UNK: variants seen among roughly 807,000 people sequenced by gnomAD.
UNK encodes the protein unk zinc finger.
Under a neutral mutation model 97.6 loss-of-function variants are expected in UNK, and 32 were observed. The ratio of observed to expected loss-of-function variants is 0.33; its 90% CI spans 0.25 to 0.44. UNK has a LOEUF of 0.44. UNK is among the 20% of genes least tolerant of loss of function. The pLI is 1.00. For synonymous variants in UNK, 441 were observed against 461.2 expected, an observed-to-expected ratio of 0.96 and a Z score of 0.56; for missense variants, 771 against 1,098.4, an observed-to-expected ratio of 0.70 and a Z score of 4.21.
At position 75,819,760 on chromosome 17, in the gene UNK, G is replaced by A. The variant is rs1265881256; in HGVS notation, c.1623G>A (p.Val541=). The A allele has an allele frequency of 6.2e-7, 1 of 1,613,852 alleles. No individual in the cohort carries two copies. The highest frequency in any genetic ancestry group is 1.1e-5 in the South Asian group (1 of 91,092). The change falls in exon 12 of 16, where the codon GTG becomes GTA. Residue 541 remains valine, a synonymous_variant. Coordinates refer to ENST00000589666, the MANE Select transcript of UNK (RefSeq NM_001080419.3). The surrounding 1 kb of genome is among the most constrained non-coding windows in gnomAD (Gnocchi z 5.4). ...ALEKTFDNST[V]PHPGSITIGG... is the part of the protein sequence containing the mutation. ...AGAAGACTTTCGATAACAGCACAGT[G>A]CCCCACCCAGGAAGCATCACCATCG...
intron 5 of UNK, among the ~76,000 whole-genome samples, chr17:75,813,492 G>A (rs1055750963): frequency 1.3e-5 from 2 of 152,216 alleles, no homozygotes; most frequent in Admixed American, 6.5e-5. Context: ...AGGCCACAGC[G>A]TGGACAGTGT....
intron 1 of UNK, among the ~76,000 whole-genome samples, chr17:75,796,638 A>C (rs1253683307): frequency 2.0e-5 from 3 of 152,222 alleles, no homozygotes; most frequent in African/African-American, 7.2e-5. Flanking sequence ...AGCCATTTTT[A>C]GTAACTCCCA....
chr17:75,807,032 A>C (rs983764192), intron 1 of UNK, among the ~76,000 whole-genome samples: 12 of 152,324 alleles, frequency 7.9e-5, no homozygotes, highest in African/African-American at 2.9e-4. Context: ...CACTGTGGAC[A>C]TGTCTGCCCC....
intron 1 of UNK, among the ~76,000 whole-genome samples, chr17:75,806,300 A>G: frequency 8.4e-6 from 1 of 119,060 alleles, no homozygotes. Flanking sequence ...TAAAAATACA[A>G]AAAAAAAAAT....
At position 75,818,168 on chromosome 17, in the gene UNK, G is replaced by A; in HGVS notation, c.1371G>A (p.Gln457=). The change falls in exon 10 of 16, where the codon CAG becomes CAA. Residue 457 remains glutamine, a splice_region_variant and synonymous_variant. Transcript: ENST00000589666. The surrounding 1 kb of genome is among the most constrained non-coding windows in gnomAD (Gnocchi z 5.1). ...SQEQPLLQPK[Q]DMLGILPAGS... ...AGCAGCCTCTGCTTCAGCCCAAACA[G>A]GTATAGAGCTCTCAGCCCCCTTCCT... The A allele has an allele frequency of 6.2e-7, 1 of 1,613,474 alleles. No homozygotes were observed. Among genetic ancestry groups the A allele is most frequent in the Non-Finnish European group, 8.5e-7 (1 of 1,179,744 alleles).
chr17:75,793,309 T>C, intron 1 of UNK: 1 of 601,528 alleles, frequency 1.7e-6, no homozygotes, highest in Non-Finnish European at 2.1e-6. Context: ...GGCATTTCTT[T>C]AAGGACAGGC....
intron 5 of UNK, 39 bp from the exon 6 acceptor site, chr17:75,813,722 T>C (rs1254356345): frequency 6.5e-7 from 1 of 1,530,092 alleles, no homozygotes; most frequent in East Asian, 2.5e-5. Flanking sequence ...GATCTCACCT[T>C]CTCCTTTCTC....
chr17:75,818,252 C>T lies in UNK; in HGVS notation c.1371+84C>T. The T allele has an allele frequency of 6.8e-7, 1 of 1,478,668 alleles. No homozygotes were observed. Among genetic ancestry groups the T allele is most frequent in the South Asian group, 1.2e-5 (1 of 84,814 alleles). 91.6% of individuals were successfully genotyped at this position (1,478,668 alleles called of 1,614,324 possible). On this transcript the variant is annotated intron_variant, in intron 10 of 15. Coordinates refer to ENST00000589666, the MANE Select transcript of UNK (RefSeq NM_001080419.3). The surrounding 1 kb of genome is among the most constrained non-coding windows in gnomAD (Gnocchi z 5.1). ...CCAGGAGGCTTCGGGGAGTGGGAGG[C>T]ACCACTTTTCCCAAAAGCTGAGGGC... is the stretch of plus-strand genomic sequence containing the variant.
Position 75,818,903 on chromosome 17 carries a change from C to A in UNK, c.1546+87C>A. On this transcript the variant is annotated intron_variant, in intron 11 of 15. Transcript: ENST00000589666. The surrounding 1 kb of genome is among the most constrained non-coding windows in gnomAD (Gnocchi z 5.1). Reference sequence around the variant, plus strand: ...CTCTGAAGCGAGTCTCAAATCAGCACACCAGACCCCTTAGACATCTGTCTT... The same window carrying A: ...CTCTGAAGCGAGTCTCAAATCAGCAAACCAGACCCCTTAGACATCTGTCTT... The A allele has an allele frequency of 5.8e-6, 8 of 1,386,136 alleles. No individual in the cohort carries two copies. Among genetic ancestry groups the A allele is most frequent in the Non-Finnish European group, 7.6e-6 (8 of 1,046,964 alleles). 85.9% of individuals were successfully genotyped at this position (1,386,136 alleles called of 1,614,324 possible).
Position 75,819,767 on chromosome 17 carries a change from C to G in UNK, c.1630C>G (p.Pro544Ala), listed in dbSNP as rs546755863. Residue 544 changes from proline to alanine, a missense_variant, in exon 12 of 16, where the codon CCA becomes GCA. This residue lies in a region of UNK where 91 missense variants were observed against 173.1 expected (regional missense o/e 0.53). Transcript: ENST00000589666. The surrounding 1 kb of genome is among the most constrained non-coding windows in gnomAD (Gnocchi z 5.4). ...KTFDNSTVPH[P>A]GSITIGGSLL... ...TTTCGATAACAGCACAGTGCCCCACCCAGGAAGCATCACCATCGGTACTGG... is the reference window on the plus strand; with the variant it reads ...TTTCGATAACAGCACAGTGCCCCACGCAGGAAGCATCACCATCGGTACTGG... 5.0e-6 allele frequency: 8 copies of G among 1,613,720 alleles called. No individual in the cohort carries two copies. The highest frequency in any genetic ancestry group is 6.8e-6 in the Non-Finnish European group (8 of 1,179,894).
chr17:75,786,884 A>G (rs905497135), intron 1 of UNK, among the ~76,000 whole-genome samples: 2 of 152,144 alleles, frequency 1.3e-5, no homozygotes, highest in African/African-American at 4.8e-5. Flanking sequence ...AACAAAAAAA[A>G]AGCCTGCCTT....
intron 2 of UNK, among the ~76,000 whole-genome samples, chr17:75,811,438 G>A (rs1385091508): frequency 6.6e-6 from 1 of 152,300 alleles, no homozygotes; most frequent in East Asian, 1.9e-4. Flanking sequence ...AAGGCTTGCT[G>A]ACCCTACCCC....
chr17:75,796,045 C>T (rs1255901672), intron 1 of UNK, among the ~76,000 whole-genome samples: 2 of 152,074 alleles, frequency 1.3e-5, no homozygotes, highest in African/African-American at 2.4e-5. Context: ...TGCCCAGGTG[C>T]GGTAGGGAGT....
chr17:75,795,625 G>A (rs1393959404), intron 1 of UNK, among the ~76,000 whole-genome samples: 6 of 152,168 alleles, frequency 3.9e-5, no homozygotes, highest in African/African-American at 1.4e-4. Context: ...ACAGGTGTGA[G>A]CCACCATGCC....
chr17:75,805,527 G>A (rs1289863417), intron 1 of UNK, among the ~76,000 whole-genome samples: 1 of 152,134 alleles, frequency 6.6e-6, no homozygotes, highest in Non-Finnish European at 1.5e-5. Context: ...AGGTGTGGTG[G>A]CTCACACCTG....
chr17:75,819,028 A>C lies in UNK; in HGVS notation c.1546+212A>C. 1.9e-6 allele frequency: 1 copy of C among 519,982 alleles called. No homozygotes were observed. Among genetic ancestry groups the C allele is most frequent in the Non-Finnish European group, 3.2e-6 (1 of 309,800 alleles). The allele number at this position is 519,982 out of a possible 1,614,324, so 32.2% of individuals were successfully genotyped here. A position where few individuals can be genotyped will look rare whatever the true frequency, so the allele number is the denominator to read the frequency against. On this transcript the variant is annotated intron_variant, in intron 11 of 15. Transcript: ENST00000589666. The surrounding 1 kb of genome is among the most constrained non-coding windows in gnomAD (Gnocchi z 5.4). The stretch of plus-strand genomic sequence containing the variant: ...TGACCCTTAGAGCTCCTTTGTGCAA[A>C]TTAGAAAGAGGTGCCTTTTCCCCTT...
intron 2 of UNK, 62 bp from the exon 3 acceptor site, chr17:75,812,050 G>C: frequency 6.7e-7 from 1 of 1,502,926 alleles, no homozygotes; most frequent in South Asian, 1.3e-5. Context: ...AGGGCAGGGG[G>C]TAGGCAGGGA....
At position 75,813,866 on chromosome 17, in the gene UNK, G is replaced by A. The variant is rs370102361; in HGVS notation, c.864G>A (p.Gln288=). The A allele has an allele frequency of 2.5e-6, 4 of 1,585,696 alleles. No individual in the cohort carries two copies. The African/African-American group carries it at 4.0e-5, about 16-fold the overall frequency. Residue 288 remains glutamine, a synonymous_variant, in exon 6 of 16, where the codon CAG becomes CAA. Coordinates refer to ENST00000589666, the MANE Select transcript of UNK (RefSeq NM_001080419.3). ...ACTGCCACACCCGCACCGAGCAGCA[G>A]TTCCACCCCGAGGTGGGCCCCACAG... ...CQYCHTRTEQ[Q]FHPEIYKSTK...
At chr17:75,785,113 C>G in intron 1 of UNK, 129 bp downstream of exon 1, 2 of 605,576 alleles carry the variant, frequency 3.3e-6, no homozygotes, top group Non-Finnish European at 5.5e-6. Context: ...CCGGCCCAGA[C>G]CGGTTCCAAC....
Sources: gnomAD v4.1 joint callset for allele counts (sites outside exome capture counted in the v4.1 genomes callset) on GRCh38, gnomAD v4.1.1 for gene constraint, gnomAD v4.1.1 regional missense constraint, Gnocchi (gnomAD v3.1) non-coding constraint, MANE v1.5 for transcripts, NCBI Gene and HGNC (gene_info 2026-07-23, HGNC 2026-07-21) for gene names.